ANO4: variants seen among roughly 807,000 people sequenced by gnomAD.
ANO4 encodes anoctamin 4, also known as anoctamin-4.
Under a neutral mutation model 141.9 loss-of-function variants are expected in ANO4, and 69 were observed. The observed-to-expected ratio is 0.49, with a 90% CI of 0.40 to 0.59. The LOEUF is 0.59. Ranked by LOEUF, ANO4 falls within the 20% of genes least tolerant of loss-of-function variation. The pLI is 0.00. For synonymous variants in ANO4, 350 were observed against 394.3 expected (o/e 0.89, Z 1.33); for missense variants, 894 against 1,162.2 (o/e 0.77, Z 3.36).
At chr12:100,837,776 G>C (rs1351944130) in intron 1 of ANO4, among the ~76,000 whole-genome samples, 1 of 148,900 alleles carries the variant, frequency 6.7e-6, no homozygotes, top group East Asian at 2.0e-4. Flanking sequence ...ATAAAGGTTT[G>C]AGTGGTCAAA....
chr12:101,125,229 T>A (rs1024808300), intron 26 of ANO4, among the ~76,000 whole-genome samples: 1 of 152,156 alleles, frequency 6.6e-6, no homozygotes, highest in East Asian at 1.9e-4. Flanking sequence ...TTTGCAGCAG[T>A]TGTGAATGGG....
At position 100,733,981 on chromosome 12, in the gene ANO4, A is replaced by G. The variant is rs1243163084; in HGVS notation, c.106+124A>G. 1.7e-5 allele frequency: 10 copies of G among 584,006 alleles called. No homozygotes were observed. In the Admixed American group the frequency reaches 1.9e-4, roughly 11 times the overall value. The allele number at this position is 584,006 out of a possible 1,614,324, so 36.2% of individuals were successfully genotyped here. On this transcript the variant is annotated intron_variant, in intron 2 of 29. Coordinates refer to the ANO4 transcript ENST00000644049. ...AAATGCATAGGCATTTATTTTCAGAATCAGAGCAATTGCTTGTGGACTCAC... is the reference window on the plus strand; with the variant it reads ...AAATGCATAGGCATTTATTTTCAGAGTCAGAGCAATTGCTTGTGGACTCAC...
chr12:101,009,208 C>T (rs1161690251), intron 8 of ANO4, among the ~76,000 whole-genome samples: 1 of 151,918 alleles, frequency 6.6e-6, no homozygotes, highest in Non-Finnish European at 1.5e-5. Flanking sequence ...ATGACTGGTG[C>T]TGTTATATAA....
intron 1 of ANO4, among the ~76,000 whole-genome samples, chr12:100,821,989 G>C (rs2036080618): frequency 6.6e-6 from 1 of 151,844 alleles, no homozygotes; most frequent in South Asian, 2.1e-4. Flanking sequence ...TCAATGCCCA[G>C]TCCTTTGCTT....
intron 22 of ANO4, among the ~76,000 whole-genome samples, chr12:101,104,627 GTA>G (rs1167784816): frequency 0.11 from 6,900 of 60,790 alleles, 192 homozygotes; most frequent in Non-Finnish European, 0.14. Flanking sequence ...ATGTATGTGT[GTA>G]TATATATATA....
chr12:100,850,734 G>A (rs2037824385), intron 1 of ANO4, among the ~76,000 whole-genome samples: 1 of 150,998 alleles, frequency 6.6e-6, no homozygotes, highest in African/African-American at 2.4e-5. Flanking sequence ...GAAAGAAAAT[G>A]TTTCTACCTT....
rs1346186169 is a variant in ANO4 at position 100,718,967 on chromosome 12, GT to G, written c.22+1421del. 3.9e-5 allele frequency among the ~76,000 whole-genome samples: 6 copies of G among 152,288 alleles called. No individual in the cohort carries two copies. In the East Asian group the frequency reaches 1.2e-3, roughly 29 times the overall value. On this transcript the variant is annotated intron_variant, in intron 1 of 29. Coordinates refer to the ANO4 transcript ENST00000644049. ...GTATGCTGCCCCATGGATACTGTCA[GT>G]AATAGGTTTACGTAATGATCAGTTC...
At chr12:101,078,029 C>A (rs1168439384) in intron 14 of ANO4, among the ~76,000 whole-genome samples, 2 of 152,126 alleles carry the variant, frequency 1.3e-5, no homozygotes, top group African/African-American at 2.4e-5. Flanking sequence ...TCACTCTAGA[C>A]TGTCTTTCTA....
chr12:100,879,012 C>G (rs2039443151), intron 1 of ANO4, among the ~76,000 whole-genome samples: 1 of 152,058 alleles, frequency 6.6e-6, no homozygotes, highest in African/African-American at 2.4e-5. Flanking sequence ...ATTTTATGCC[C>G]CTGGAGGGGA....
At position 101,120,541 on chromosome 12, in the gene ANO4, G is replaced by T. The variant is rs17031025; in HGVS notation, c.2592G>T (p.Pro864=). 1.2e-6 allele frequency: 2 copies of T among 1,613,816 alleles called. No homozygotes were observed. The highest frequency in any genetic ancestry group is 2.2e-5 in the East Asian group (1 of 44,882). ...ATAGATACCGGGACTACCGTGACCC[G>T]CCTCATTCACTGGTGCCCTATGGCT... The part of the protein sequence containing the change: ...KYCRYRDYRD[P]PHSLVPYGYT... Residue 864 remains proline (P), a synonymous_variant, in exon 26 of 28, where the codon CCG becomes CCT. Coordinates refer to ENST00000392977, the MANE Select transcript of ANO4 (RefSeq NM_001286615.2).
chr12:100,766,594 T>C (rs1386346616), intron 3 of ANO4, among the ~76,000 whole-genome samples: 1 of 152,152 alleles, frequency 6.6e-6, no homozygotes, highest in Non-Finnish European at 1.5e-5. Flanking sequence ...ACTATTGTGG[T>C]ATAAAAGATA....
chr12:100,885,150 G>C (rs2039768452), intron 1 of ANO4, among the ~76,000 whole-genome samples: 2 of 152,118 alleles, frequency 1.3e-5, no homozygotes, highest in Admixed American at 6.5e-5. Context: ...CCTTCCTTTT[G>C]GATATCCCAG....
At chr12:101,024,365 G>T (rs752959022) in intron 9 of ANO4, among the ~76,000 whole-genome samples, 78 of 152,270 alleles carry the variant, frequency 5.1e-4, no homozygotes, top group Non-Finnish European at 7.6e-4. Context: ...GGAGGCCAAG[G>T]CAGGTGGATC....
At position 100,725,671 on chromosome 12, in the gene ANO4, C is replaced by T. The variant is rs529183477; in HGVS notation, c.23-8103C>T. ...GGAAATTGCTATCTTAACTGTCAAC[C>T]TGGCCTATGCCTAAAATAAGGACTT... is the stretch of plus-strand genomic sequence containing the variant. On this transcript the variant is annotated intron_variant, in intron 1 of 29. Transcript: ENST00000644049. Among the ~76,000 whole-genome samples the T allele has an allele frequency of 3.3e-5, 5 of 152,284 alleles. No homozygotes were observed. The East Asian group carries it at 9.7e-4, about 29-fold the overall frequency.
At position 101,086,627 on chromosome 12, in the gene ANO4, A is replaced by G. The variant is rs568593328; in HGVS notation, c.1537-33A>G. On this transcript the variant is annotated intron_variant, in intron 16 of 27. Coordinates refer to ENST00000392977, the MANE Select transcript of ANO4 (RefSeq NM_001286615.2). Reference sequence around the variant, plus strand: ...ATCCTCTTCCTGTAACATTCCACCAAGAGGTTCACCGGGTGTCTTGTCTTC... The same window carrying G: ...ATCCTCTTCCTGTAACATTCCACCAGGAGGTTCACCGGGTGTCTTGTCTTC... The G allele has an allele frequency of 2.5e-6, 4 of 1,611,762 alleles. No individual in the cohort carries two copies. In the African/African-American group the frequency reaches 5.3e-5, roughly 22 times the overall value.
At chr12:100,801,093 G>GTCTCTCTCTCTCTCTC (rs35462149) in intron 1 of ANO4, among the ~76,000 whole-genome samples, 18 of 147,260 alleles carry the variant, frequency 1.2e-4, no homozygotes, top group African/African-American at 4.0e-4. Flanking sequence ...TTGTCTACTT[G>GTCTCTCTCTCTCTCTC]TCTCTCTCTC....
intron 1 of ANO4, among the ~76,000 whole-genome samples, chr12:100,861,202 T>A (rs1414432821): frequency 6.6e-6 from 1 of 152,228 alleles, no homozygotes; most frequent in African/African-American, 2.4e-5. Context: ...GAGCACTGAT[T>A]GGTGCATTTT....
At chr12:101,083,968 T>A (rs1400063312) in intron 16 of ANO4, 150 bp downstream of exon 16, 1 of 773,830 alleles carries the variant, frequency 1.3e-6, no homozygotes. Context: ...TGGTCAGGGA[T>A]GGTATTGCTA....
chr12:101,006,362 G>A (rs1455959640), intron 8 of ANO4, among the ~76,000 whole-genome samples: 1 of 152,122 alleles, frequency 6.6e-6, no homozygotes, highest in African/African-American at 2.4e-5. Context: ...TTATTAGGAT[G>A]TTGTGACACA....
Sources: allele counts gnomAD v4.1 joint callset (sites outside exome capture counted in the v4.1 genomes callset), GRCh38; gene constraint gnomAD v4.1.1; transcripts MANE v1.5; gene names NCBI Gene and HGNC (gene_info 2026-07-23, HGNC 2026-07-21).